The following NAV3 variants were observed in gnomAD, a reference collection of about 807,000 sequenced individuals.
NAV3 encodes neuron navigator 3.
A neutral mutation model predicts 244.7 loss-of-function variants in NAV3; 87 were observed. That is an observed-to-expected ratio of 0.36 (90% CI 0.30 to 0.42). The LOEUF is 0.42. Ranked by LOEUF, NAV3 falls within the 20% of genes least tolerant of loss-of-function variation. The pLI, the probability that NAV3 is intolerant of heterozygous loss-of-function variation, is 1.00. For synonymous variants in NAV3, 1,126 were observed against 1,042.2 expected, an observed-to-expected ratio of 1.08 and a Z score of -1.55; for missense variants, 2,663 against 2,893.3, an observed-to-expected ratio of 0.92 and a Z score of 1.83.
intron 9 of NAV3, among the ~76,000 whole-genome samples, chr12:78,022,849 C>G (rs1223551237): frequency 1.3e-5 from 2 of 152,074 alleles, no homozygotes; most frequent in Non-Finnish European, 2.9e-5. Context: ...AACAACATCC[C>G]AAGGGTACAT....
intron 2 of NAV3, among the ~76,000 whole-genome samples, chr12:77,712,649 C>T (rs1172499778): frequency 6.6e-6 from 1 of 152,146 alleles, no homozygotes; most frequent in Non-Finnish European, 1.5e-5. Flanking sequence ...TTCTTAGCAA[C>T]TGATAACTGC....
chr12:77,722,707 G>T (rs1407089964), intron 2 of NAV3, among the ~76,000 whole-genome samples: 1 of 151,924 alleles, frequency 6.6e-6, no homozygotes, highest in Non-Finnish European at 1.5e-5. Flanking sequence ...TTTATATAGG[G>T]AAATGATTGG....
At chr12:78,191,005 T>A (rs1958951833) in intron 34 of NAV3, among the ~76,000 whole-genome samples, 1 of 152,152 alleles carries the variant, frequency 6.6e-6, no homozygotes, top group African/African-American at 2.4e-5. Flanking sequence ...AAAATGCAAC[T>A]ATTATAAGCA....
intron 18 of NAV3, among the ~76,000 whole-genome samples, chr12:78,129,445 A>ATTG (rs1956067499): frequency 1.3e-5 from 2 of 152,210 alleles, no homozygotes; most frequent in Non-Finnish European, 2.9e-5. Flanking sequence ...AATACTCTGA[A>ATTG]CATTTTCAAA....
intron 1 of NAV3, among the ~76,000 whole-genome samples, chr12:77,878,571 T>C (rs921451134): frequency 1.3e-5 from 2 of 151,736 alleles, no homozygotes; most frequent in African/African-American, 2.4e-5. Context: ...ATACACACCA[T>C]AGTTACATAA....
chr12:77,778,413 C>A (rs1218031877), intron 2 of NAV3, among the ~76,000 whole-genome samples: 1 of 151,402 alleles, frequency 6.6e-6, no homozygotes, highest in Non-Finnish European at 1.5e-5. Flanking sequence ...GAGGTCGAGA[C>A]AATCCTGGCT....
chr12:77,966,253 A>G lies in NAV3; in HGVS notation c.439A>G (p.Ser147Gly), dbSNP rs1365340276. The change falls in exon 4 of 40, where the codon AGT (serine) becomes GGT (glycine). Residue 147 changes from serine (S) to glycine (G), a missense_variant. Transcript: ENST00000397909. ...GATTGAAAATGTTGATGTCTGCCTT[A>G]GTTTTCTAGCAGCCAGAGGGGTAAA... is the stretch of plus-strand genomic sequence containing the variant. ...QMIENVDVCL[S>G]FLAARGVNVQ... 6.2e-7 allele frequency: 1 copy of G among 1,613,652 alleles called. No homozygotes were observed. The highest frequency in any genetic ancestry group is 2.2e-5 in the East Asian group (1 of 44,770).
At position 78,006,988 on chromosome 12, in the gene NAV3, G is replaced by A. The variant is rs767782554; in HGVS notation, c.1450G>A (p.Val484Ile). 6 of 1,614,098 alleles carry A rather than the reference G, an allele frequency of 3.7e-6. No homozygotes were observed. Among genetic ancestry groups the A allele is most frequent in the Non-Finnish European group, 5.1e-6 (6 of 1,180,010 alleles). Residue 484 changes from valine (V) to isoleucine (I), a missense_variant, in exon 8 of 40, where the codon GTC (valine) becomes ATC (isoleucine). By Grantham distance (29) the Val-to-Ile change is conservative (BLOSUM62 3). Transcript: ENST00000397909. ...AAATAAAGTTTGCACTGAAAAACCA[G>A]TCAAAGAAGAGAAGGATCAGGTGAC... Reference protein sequence around the residue: ...DKNKVCTEKPVKEEKDQVTEM... With the variant: ...DKNKVCTEKPIKEEKDQVTEM...
intron 1 of NAV3, among the ~76,000 whole-genome samples, chr12:77,843,835 A>T (rs1345446713): frequency 2.4e-5 from 2 of 83,634 alleles, no homozygotes; most frequent in Non-Finnish European, 6.4e-5. Flanking sequence ...GTCTTGTTTA[A>T]AAAAAAAAAA....
intron 1 of NAV3, among the ~76,000 whole-genome samples, chr12:77,844,709 T>C (rs1402310): frequency 0.25 from 37,461 of 152,096 alleles, 5,514 homozygotes; most frequent in East Asian, 0.41. Flanking sequence ...AAGAATATAG[T>C]CATATACATA....
chr12:77,878,682 A>AG (rs11429070), intron 1 of NAV3, among the ~76,000 whole-genome samples: 23 of 151,606 alleles, frequency 1.5e-4, no homozygotes, highest in Non-Finnish European at 3.1e-4. Context: ...AAAAAAAAAA[A>AG]CAAGGTCTTT....
chr12:77,744,555 G>T (rs999326771), intron 2 of NAV3, among the ~76,000 whole-genome samples: 1 of 151,776 alleles, frequency 6.6e-6, no homozygotes, highest in African/African-American at 2.4e-5. Flanking sequence ...TCAAGGCTTT[G>T]ATTTTCTGAA....
intron 2 of NAV3, among the ~76,000 whole-genome samples, chr12:77,588,395 A>G (rs1486788374): frequency 1.3e-5 from 2 of 152,128 alleles, no homozygotes; most frequent in Non-Finnish European, 2.9e-5. Context: ...CTGGGATTAC[A>G]GGTGTGAGCA....
At chr12:77,755,761 T>C (rs12823291) in intron 2 of NAV3, among the ~76,000 whole-genome samples, 1 of 151,164 alleles carries the variant, frequency 6.6e-6, no homozygotes, top group Non-Finnish European at 1.5e-5. Flanking sequence ...TTCGTCAGGG[T>C]CTTGCCTTGT....
At chr12:77,707,015 A>G (rs1033142631) in intron 2 of NAV3, among the ~76,000 whole-genome samples, 20 of 149,260 alleles carry the variant, frequency 1.3e-4, no homozygotes, top group Non-Finnish European at 2.7e-4. Context: ...CGAAATTCCT[A>G]CTTCCTCTTC....
chr12:77,992,440 C>T (rs1311286111), intron 5 of NAV3, among the ~76,000 whole-genome samples: 4 of 152,078 alleles, frequency 2.6e-5, no homozygotes, highest in Non-Finnish European at 5.9e-5. Context: ...TTGAGATTTT[C>T]AGCCTATATT....
intron 1 of NAV3, among the ~76,000 whole-genome samples, chr12:77,874,274 A>G (rs1881516961): frequency 6.6e-6 from 1 of 152,076 alleles, no homozygotes; most frequent in Non-Finnish European, 1.5e-5. Flanking sequence ...GTTGGAGTGC[A>G]GTGCTGCAAT....
intron 2 of NAV3, among the ~76,000 whole-genome samples, chr12:77,701,610 G>A (rs911229836): frequency 6.6e-6 from 1 of 151,786 alleles, no homozygotes; most frequent in African/African-American, 2.4e-5. Flanking sequence ...TCTAATATAA[G>A]CATTTGAATG....
At chr12:77,998,786 A>T (rs1241183796) in intron 7 of NAV3, among the ~76,000 whole-genome samples, 1 of 152,224 alleles carries the variant, frequency 6.6e-6, no homozygotes, top group African/African-American at 2.4e-5. Context: ...TTGAAAATGT[A>T]TCCTGAAATC....
Sources: gnomAD v4.1 joint callset for allele counts (sites outside exome capture counted in the v4.1 genomes callset) on GRCh38, gnomAD v4.1.1 for gene constraint, MANE v1.5 for transcripts, NCBI Gene and HGNC (gene_info 2026-07-23, HGNC 2026-07-21) for gene names.